The following LRRC37A2 variants were observed in gnomAD, a reference collection of about 807,000 sequenced individuals.
The protein encoded by LRRC37A2 is leucine rich repeat containing 37 member A2, also known as leucine-rich repeat-containing protein 37A2.
In LRRC37A2, 9 loss-of-function variants were observed where a neutral mutation model predicts 68.8. The ratio of observed to expected loss-of-function variants is 0.13; its 90% CI spans 0.08 to 0.23. The LOEUF (loss-of-function observed/expected upper bound fraction) is 0.23. Ranked by LOEUF, LRRC37A2 falls within the 10% of genes least tolerant of loss-of-function variation. The pLI is 1.00. For missense variants in LRRC37A2, 168 were observed against 950.4 expected (o/e 0.18, Z 10.82); for synonymous variants, 63 against 367.6 (o/e 0.17, Z 9.48).
At chr17:46,545,382 G>T (rs2056137369) in intron 8 of LRRC37A2, among the ~76,000 whole-genome samples, 2 of 134,654 alleles carry the variant, frequency 1.5e-5, no homozygotes, top group East Asian at 2.1e-4. Context: ...GCCCAGGGGG[G>T]TTGAGGCTGC....
the LRRC37A2 span, among the ~76,000 whole-genome samples, chr17:46,489,827 T>C: frequency 6.6e-6 from 1 of 150,622 alleles, no homozygotes; most frequent in East Asian, 1.9e-4. Context: ...TCTACTAAGG[T>C]TTACTCAGAC....
chr17:46,934,868 C>T, the LRRC37A2 span, among the ~76,000 whole-genome samples: 15 of 152,192 alleles, frequency 9.9e-5, no homozygotes, highest in Middle Eastern at 3.2e-3. Flanking sequence ...AGAGGCCACC[C>T]CAGGCCTTTG....
chr17:46,619,770 TAAAAA>T, the LRRC37A2 span, among the ~76,000 whole-genome samples: 2 of 20,866 alleles, frequency 9.6e-5, no homozygotes, highest in Non-Finnish European at 1.5e-4. Context: ...AGACTCCATC[TAAAAA>T]AAAAAAAAAA....
the LRRC37A2 span, among the ~76,000 whole-genome samples, chr17:46,625,996 GTT>G: frequency 6.9e-6 from 1 of 144,574 alleles, no homozygotes; most frequent in Admixed American, 6.9e-5. Context: ...TGAGAGGACT[GTT>G]TTTTTTTTTA....
the LRRC37A2 span, chr17:46,713,799 T>A: frequency 6.4e-7 from 1 of 1,572,832 alleles, no homozygotes; most frequent in Non-Finnish European, 8.6e-7. Context: ...CTTGTTTTAT[T>A]TCCCTTTGCT....
the LRRC37A2 span, among the ~76,000 whole-genome samples, chr17:47,003,049 C>G: frequency 1.3e-5 from 2 of 151,910 alleles, no homozygotes; most frequent in African/African-American, 2.4e-5. Flanking sequence ...CGAGACCAGC[C>G]TGGGCAACAG....
chr17:46,923,640 C>G, the LRRC37A2 span: 1 of 1,168,050 alleles, frequency 8.6e-7, no homozygotes, highest in Non-Finnish European at 1.1e-6. Flanking sequence ...AGGGCACGTA[C>G]GGGAAAGTAT....
chr17:46,919,207 C>T, the LRRC37A2 span, among the ~76,000 whole-genome samples: 172 of 152,264 alleles, frequency 1.1e-3, no homozygotes, highest in Middle Eastern at 0.014. Context: ...TGGAAGGAGA[C>T]CAATGGACTA....
chr17:46,976,083 C>T, the LRRC37A2 span, among the ~76,000 whole-genome samples: 2 of 152,008 alleles, frequency 1.3e-5, no homozygotes, highest in Non-Finnish European at 2.9e-5. Flanking sequence ...CTCATCACCA[C>T]GCCCGGCTAA....
the LRRC37A2 span, chr17:46,940,559 C>G: frequency 6.2e-7 from 1 of 1,614,158 alleles, no homozygotes; most frequent in Non-Finnish European, 8.5e-7. Context: ...CCCCAGGCAC[C>G]CAAGGATCCT....
the LRRC37A2 span, among the ~76,000 whole-genome samples, chr17:46,752,764 CT>C: frequency 3.3e-5 from 5 of 151,676 alleles, no homozygotes; most frequent in African/African-American, 7.3e-5. Context: ...CCCTCGGTAA[CT>C]TTTTTTCTTT....
the LRRC37A2 span, chr17:46,821,143 A>G: frequency 1.3e-5 from 2 of 152,218 alleles, no homozygotes; most frequent in African/African-American, 4.8e-5. Context: ...GAGAACTCAG[A>G]CGCAGGTCAT....
chr17:47,017,316 T>G, the LRRC37A2 span: 13 of 1,602,458 alleles, frequency 8.1e-6, no homozygotes, highest in South Asian at 3.3e-5. Context: ...GCCTCTGGAG[T>G]GGGTCAAGGA....
At chr17:46,908,196 C>T in the LRRC37A2 span, among the ~76,000 whole-genome samples, 1 of 151,858 alleles carries the variant, frequency 6.6e-6, no homozygotes, top group Non-Finnish European at 1.5e-5. Context: ...CCCACCGCCC[C>T]CCTCACTCTG....
At chr17:46,866,755 G>T in the LRRC37A2 span, among the ~76,000 whole-genome samples, 5 of 152,064 alleles carry the variant, frequency 3.3e-5, no homozygotes, top group African/African-American at 1.2e-4. Context: ...GCATTACCTG[G>T]TGCCCTAGAA....
the LRRC37A2 span, among the ~76,000 whole-genome samples, chr17:46,404,730 C>T: frequency 2.0e-5 from 2 of 100,556 alleles, no homozygotes; most frequent in Admixed American, 2.0e-4. Flanking sequence ...ATTAGCCGGG[C>T]GTGGTGGTGG....
At chr17:46,906,927 C>G in the LRRC37A2 span, among the ~76,000 whole-genome samples, 1 of 152,166 alleles carries the variant, frequency 6.6e-6, no homozygotes, top group Non-Finnish European at 1.5e-5. Context: ...GCTCACTAAC[C>G]AGGTACTCTC....
At chr17:46,906,791 C>T in the LRRC37A2 span, among the ~76,000 whole-genome samples, 1 of 152,076 alleles carries the variant, frequency 6.6e-6, no homozygotes, top group Non-Finnish European at 1.5e-5. Flanking sequence ...GAGCCCAGAT[C>T]TGAATTCAGG....
the LRRC37A2 span, chr17:47,033,292 T>C: frequency 1.4e-6 from 1 of 692,572 alleles, no homozygotes; most frequent in Non-Finnish European, 2.6e-6. Flanking sequence ...TCAGATTCTC[T>C]AGATTTTGCC....
Sources: allele counts gnomAD v4.1 joint callset (sites outside exome capture counted in the v4.1 genomes callset), GRCh38; gene constraint gnomAD v4.1.1; transcripts MANE v1.5; gene names NCBI Gene and HGNC (gene_info 2026-07-23, HGNC 2026-07-21).